GRHL1: variants seen among roughly 807,000 people sequenced by gnomAD.
GRHL1 encodes the protein grainyhead-like protein 1 homolog.
A neutral mutation model predicts 75.7 loss-of-function variants in GRHL1; 38 were observed. The ratio of observed to expected loss-of-function variants is 0.50; its 90% confidence interval spans 0.39 to 0.66. The LOEUF (loss-of-function observed/expected upper bound fraction) is 0.66. Ranked by LOEUF, GRHL1 falls within the 30% of genes least tolerant of loss-of-function variation. The probability of loss-of-function intolerance (pLI) is 0.00; values close to 1 mark genes in which losing one functional copy is unlikely to be tolerated. For synonymous variants in GRHL1, 266 were observed against 279.4 expected (o/e 0.95, Z 0.48); for missense variants, 589 against 767.5 (o/e 0.77, Z 2.75).
chr2:9,952,927 C>T lies in GRHL1; in HGVS notation c.20+1074C>T. 3 of 441,386 alleles carry T rather than the reference C, an allele frequency of 6.8e-6. 1 individual carries two copies. The highest frequency in any genetic ancestry group is 4.8e-5 in the South Asian group (3 of 62,322). 27.3% of individuals were successfully genotyped at this position (441,386 alleles called of 1,614,324 possible). On this transcript the variant is annotated intron_variant, in intron 1 of 15. Transcript: ENST00000324907. Reference sequence around the variant, plus strand: ...TGTAGAATATGCAGTTAAATTATTGCCTGAAACATATTTCAGAAGTCTGAG... The same window carrying T: ...TGTAGAATATGCAGTTAAATTATTGTCTGAAACATATTTCAGAAGTCTGAG...
At chr2:9,999,621 G>C (rs77284623) in intron 15 of GRHL1, among the ~76,000 whole-genome samples, 1 of 152,218 alleles carries the variant, frequency 6.6e-6, no homozygotes, top group South Asian at 2.1e-4. Flanking sequence ...CCCATGCCCT[G>C]CTCTACCCTC....
At chr2:9,965,817 A>G (rs1193628756) in intron 8 of GRHL1, 1 of 156,736 alleles carries the variant, frequency 6.4e-6, no homozygotes, top group Non-Finnish European at 1.4e-5. Flanking sequence ...GTTTCATATC[A>G]TCACCTTGTA....
Position 9,952,316 on chromosome 2 carries a change from C to T in GRHL1, c.20+463C>T, listed in dbSNP as rs145677193. ...TCCAGGTAATCTGTGGTCTCAGGCT[C>T]GTCACTCGGCGACCTGCTGGAACCT... On this transcript the variant is annotated intron_variant, in intron 1 of 15. Transcript: ENST00000324907. 2.8e-3 allele frequency among the ~76,000 whole-genome samples: 432 copies of T among 152,292 alleles called. 1 individual carries two copies. Among genetic ancestry groups the T allele is most frequent in the African/African-American group, 9.9e-3 (410 of 41,562 alleles).
chr2:9,954,331 A>C (rs1186752767), intron 1 of GRHL1, among the ~76,000 whole-genome samples: 1 of 152,162 alleles, frequency 6.6e-6, no homozygotes, highest in East Asian at 1.9e-4. Flanking sequence ...GCCACATTCC[A>C]TGCTCAATCT....
chr2:9,995,817 A>C, intron 12 of GRHL1, 62 bp from the exon 13 acceptor site: 1 of 895,858 alleles, frequency 1.1e-6, no homozygotes, highest in Non-Finnish European at 1.9e-6. Flanking sequence ...GCTCTAAAAC[A>C]CCTTAATGTT....
intron 1 of GRHL1, among the ~76,000 whole-genome samples, 178 bp downstream of exon 1, chr2:9,952,031 CTTTG>C (rs1666803853): frequency 6.6e-6 from 1 of 151,766 alleles, no homozygotes; most frequent in Non-Finnish European, 1.5e-5. Flanking sequence ...CTGCCGTGCT[CTTTG>C]TTCGGTCGGA....
Position 9,992,349 on chromosome 2 carries a change from C to CTTTATT in GRHL1, c.1461+203_1461+204insTTTATT, listed in dbSNP as rs1668680443. Reference sequence around the variant, plus strand: ...TCGCTGATTTCAAGGTGCAGTGCAGCCTGTCAGCTTTATTCTGTTTGTATT... The same window carrying CTTTATT: ...TCGCTGATTTCAAGGTGCAGTGCAGCTTTATTCTGTCAGCTTTATTCTGTTTGTATT... On this transcript the variant is annotated intron_variant, in intron 11 of 15. Coordinates refer to ENST00000324907, the MANE Select transcript of GRHL1 (RefSeq NM_198182.3). This position sits in a 1 kb window ranked among gnomAD's most constrained non-coding sequence, Gnocchi z 4.6. 6.6e-6 allele frequency among the ~76,000 whole-genome samples: 1 copy of CTTTATT among 152,176 alleles called. No homozygotes were observed. The highest frequency in any genetic ancestry group is 1.5e-5 in the Non-Finnish European group (1 of 68,026).
intron 14 of GRHL1, among the ~76,000 whole-genome samples, chr2:9,998,073 G>A (rs1397108170): frequency 1.3e-5 from 2 of 152,132 alleles, no homozygotes; most frequent in East Asian, 3.9e-4. Context: ...AGGTTGGCAG[G>A]ATCTGCACGT....
intron 9 of GRHL1, among the ~76,000 whole-genome samples, chr2:9,989,628 AATCTCT>A (rs561399385): frequency 1.2e-3 from 190 of 152,200 alleles, no homozygotes; most frequent in African/African-American, 4.5e-3. Flanking sequence ...AGCTCACCGC[AATCTCT>A]ACCTCCCAGG....
chr2:9,971,607 A>AT (rs1003525095), intron 8 of GRHL1, among the ~76,000 whole-genome samples: 2 of 152,142 alleles, frequency 1.3e-5, no homozygotes, highest in East Asian at 1.9e-4. Flanking sequence ...GATCCCAGGG[A>AT]TTTTTTCTTA....
chr2:9,951,826 C>G lies in GRHL1; in HGVS notation c.-8C>G. On this transcript the variant is annotated 5_prime_UTR_variant, in exon 1 of 16. Transcript: ENST00000324907. This position sits in a 1 kb window ranked among gnomAD's most constrained non-coding sequence, Gnocchi z 4.2. ...AGTTCTGCGGCCCGGCAGCGGCGAG[C>G]GGGCGCGATGACACAGGAGTACGAC... 6.6e-7 allele frequency: 1 copy of G among 1,525,342 alleles called. No individual in the cohort carries two copies. Among genetic ancestry groups the G allele is most frequent in the Admixed American group, 2.0e-5 (1 of 51,198 alleles). 94.5% of individuals were successfully genotyped at this position (1,525,342 alleles called of 1,614,324 possible).
At chr2:9,999,628 C>T (rs1215493819) in intron 15 of GRHL1, among the ~76,000 whole-genome samples, 1 of 152,228 alleles carries the variant, frequency 6.6e-6, no homozygotes, top group Non-Finnish European at 1.5e-5. Flanking sequence ...CCTGCTCTAC[C>T]CTCCTGCTCA....
intron 8 of GRHL1, among the ~76,000 whole-genome samples, chr2:9,969,747 G>T (rs1461616585): frequency 1.3e-5 from 2 of 151,962 alleles, no homozygotes; most frequent in African/African-American, 4.8e-5. Context: ...CAGCTACCCA[G>T]TATGGCAGAT....
rs1669280393 is a variant in GRHL1 at position 10,001,827 on chromosome 2, T to C, written c.*1120T>C. On this transcript the variant is annotated 3_prime_UTR_variant, in exon 16 of 16. Transcript: ENST00000324907. ...GCGTACCAAGTGATACAACTCGAAA[T>C]GCAGTTCTCATCTTCCTGTTTTGAG... 6.6e-6 allele frequency: 1 copy of C among 152,404 alleles called. No homozygotes were observed. Among genetic ancestry groups the C allele is most frequent in the Non-Finnish European group, 1.5e-5 (1 of 68,040 alleles). The allele number at this position is 152,404 out of a possible 1,614,324, so 9.4% of individuals were successfully genotyped here.
intron 1 of GRHL1, among the ~76,000 whole-genome samples, chr2:9,954,277 A>G (rs1233842257): frequency 6.6e-6 from 1 of 152,204 alleles, no homozygotes. Flanking sequence ...GTTAACTCCC[A>G]TGCCAGAAAA....
chr2:9,960,859 GA>G (rs539440061), intron 3 of GRHL1, 186 bp from the exon 4 acceptor site: 18 of 543,262 alleles, frequency 3.3e-5, no homozygotes, highest in Non-Finnish European at 5.5e-5. Flanking sequence ...AATAGGTTTG[GA>G]TTTTATTTGA....
intron 8 of GRHL1, 137 bp downstream of exon 8, chr2:9,965,518 CT>C: frequency 1.7e-6 from 1 of 598,238 alleles, no homozygotes; most frequent in Non-Finnish European, 3.0e-6. Flanking sequence ...ATCCTCTTCC[CT>C]TTTTATTCTC....
rs745630784 is a variant in GRHL1 at position 9,993,254 on chromosome 2, ATGTTT to A, written c.1499+27_1499+31del. 5.0e-5 allele frequency: 81 copies of A among 1,606,354 alleles called. No homozygotes were observed. Among genetic ancestry groups the A allele is most frequent in the Admixed American group, 8.3e-5 (5 of 59,996 alleles). ...AATTGGAGGGTGAAGGGTAAGATTT[ATGTTT>A]TGTTTTGTTTTGTTTTAATAATGGA... On this transcript the variant is annotated intron_variant, in intron 12 of 15. Transcript: ENST00000324907.
chr2:9,959,052 T>A, intron 3 of GRHL1, 196 bp downstream of exon 3: 1 of 680,218 alleles, frequency 1.5e-6, no homozygotes, highest in Non-Finnish European at 2.2e-6. Context: ...TTGGGCGTAG[T>A]AGTTGCCTTT....
Sources: gnomAD v4.1 joint callset for allele counts (sites outside exome capture counted in the v4.1 genomes callset) on GRCh38, gnomAD v4.1.1 for gene constraint, Gnocchi (gnomAD v3.1) non-coding constraint, MANE v1.5 for transcripts, NCBI Gene and HGNC (gene_info 2026-07-23, HGNC 2026-07-21) for gene names.